The following USP22 variants were observed in gnomAD, a reference collection of about 807,000 sequenced individuals.
USP22 encodes the protein ubiquitin carboxyl-terminal hydrolase 22.
Under a neutral mutation model 68.1 loss-of-function variants are expected in USP22, and 22 were observed. That is an observed-to-expected ratio of 0.32 (90% CI 0.23 to 0.46). USP22 has a LOEUF of 0.46. USP22 is among the 20% of genes least tolerant of loss of function. The pLI is 1.00. For missense variants in USP22, 433 were observed against 695.8 expected, an observed-to-expected ratio of 0.62 and a Z score of 4.25; for synonymous variants, 279 against 274.2, an observed-to-expected ratio of 1.02 and a Z score of -0.17.
At chr17:21,041,839 T>A (rs1376636609) in intron 1 of USP22, among the ~76,000 whole-genome samples, 1 of 152,256 alleles carries the variant, frequency 6.6e-6, no homozygotes, top group African/African-American at 2.4e-5. Context: ...GACGCAAGAC[T>A]GGGCTCCCCG....
At chr17:21,010,506 C>CG (rs1913925992) in intron 8 of USP22, among the ~76,000 whole-genome samples, 1 of 151,476 alleles carries the variant, frequency 6.6e-6, no homozygotes, top group African/African-American at 2.4e-5. Context: ...GTAAAACCCC[C>CG]GCTCTACTAA....
At position 21,042,888 on chromosome 17, in the gene USP22, G is replaced by A. The variant is rs991576142; in HGVS notation, c.-53C>T. The A allele has an allele frequency of 4.4e-5, 52 of 1,181,786 alleles. No homozygotes were observed. Among genetic ancestry groups the A allele is most frequent in the Non-Finnish European group, 5.3e-5 (50 of 943,804 alleles). The allele number at this position is 1,181,786 out of a possible 1,614,324, so 73.2% of individuals were successfully genotyped here. On this transcript the variant is annotated 5_prime_UTR_variant, in exon 1 of 13. Transcript: ENST00000261497. Reference sequence around the variant, plus strand: ...GGGCGGCGGCGAGGGAGGCGAGGACGACGCCAGCGCGGCGTGGGGGCTGCT... The same window carrying A: ...GGGCGGCGGCGAGGGAGGCGAGGACAACGCCAGCGCGGCGTGGGGGCTGCT...
intron 1 of USP22, among the ~76,000 whole-genome samples, chr17:21,029,829 C>A (rs978752246): frequency 6.6e-6 from 1 of 152,200 alleles, no homozygotes. Context: ...ATGAAATACT[C>A]AGGATAGATA....
At chr17:21,006,796 C>T (rs1913796324) in intron 10 of USP22, 100 bp downstream of exon 10, 1 of 998,340 alleles carries the variant, frequency 1.0e-6, no homozygotes, top group Non-Finnish European at 1.4e-6. Flanking sequence ...AGCCACTGCA[C>T]CCGGCCAACA....
intron 1 of USP22, among the ~76,000 whole-genome samples, chr17:21,030,669 T>C (rs965813296): frequency 2.6e-5 from 4 of 152,144 alleles, no homozygotes; most frequent in Admixed American, 6.5e-5. Context: ...ATGTCCAAAT[T>C]GAAGGACTTC....
At chr17:21,006,667 G>C (rs1913791033) in intron 10 of USP22, 1 of 233,052 alleles carries the variant, frequency 4.3e-6, no homozygotes, top group African/African-American at 2.3e-5. Flanking sequence ...ACCACACCCA[G>C]CTAATTTTTG....
At chr17:21,015,571 C>CCT in intron 6 of USP22, 181 bp downstream of exon 6, 1 of 806,910 alleles carries the variant, frequency 1.2e-6, no homozygotes, top group Non-Finnish European at 1.8e-6. Flanking sequence ...CTAGGAGGAG[C>CCT]CTCTCTGAGG....
At chr17:21,026,993 C>G (rs561582145) in intron 2 of USP22, among the ~76,000 whole-genome samples, 2 of 151,816 alleles carry the variant, frequency 1.3e-5, no homozygotes, top group African/African-American at 2.4e-5. Context: ...TTAGTAGAGA[C>G]GGGGTTTCAC....
In USP22 at chr17:21,021,023, C is replaced by T. The variant is rs1218426828; in HGVS notation, c.418+90G>A. 3 of 1,053,116 alleles carry T rather than the reference C, an allele frequency of 2.8e-6. No homozygotes were observed. In the East Asian group the frequency reaches 7.4e-5, roughly 26 times the overall value. The allele number at this position is 1,053,116 out of a possible 1,614,324, so 65.2% of individuals were successfully genotyped here. A position where few individuals can be genotyped will look rare whatever the true frequency, so the allele number is the denominator to read the frequency against. Reference sequence around the variant, plus strand: ...TTCCCACCAGCCTGCCACTTCCCACCTAGGTACTTCTCTTTCTCCTACTGG... The same window carrying T: ...TTCCCACCAGCCTGCCACTTCCCACTTAGGTACTTCTCTTTCTCCTACTGG... On this transcript the variant is annotated intron_variant, in intron 3 of 12. Transcript: ENST00000261497.
chr17:21,024,083 A>G (rs1341479962), intron 2 of USP22, among the ~76,000 whole-genome samples: 1 of 152,196 alleles, frequency 6.6e-6, no homozygotes, highest in Non-Finnish European at 1.5e-5. Flanking sequence ...TACTCAAAAA[A>G]TTCACAAAAT....
chr17:21,028,854 T>G (rs1972255125), intron 1 of USP22, among the ~76,000 whole-genome samples, 180 bp from the exon 2 acceptor site: 1 of 151,716 alleles, frequency 6.6e-6, no homozygotes, highest in East Asian at 2.0e-4. Context: ...CAAACAGGAC[T>G]TCATTCAGAT....
chr17:21,043,029 G>A (rs1229749400), upstream of USP22: 1 of 294,494 alleles, frequency 3.4e-6, no homozygotes, highest in Non-Finnish European at 6.2e-6. Flanking sequence ...CCGCCCCCGA[G>A]CTGCGGCTGC....
At chr17:21,004,463 T>A in intron 11 of USP22, 112 bp from the exon 12 acceptor site, 1 of 1,356,480 alleles carries the variant, frequency 7.4e-7, no homozygotes, top group African/African-American at 1.4e-5. Flanking sequence ...CCTGTGGGCC[T>A]GTCAACCCCC....
chr17:21,005,005 G>T lies in USP22; in HGVS notation c.1323-15C>A. The T allele has an allele frequency of 3.1e-6, 5 of 1,613,892 alleles. No homozygotes were observed. Among genetic ancestry groups the T allele is most frequent in the South Asian group, 1.1e-5 (1 of 91,066 alleles). On this transcript the variant is annotated splice_polypyrimidine_tract_variant and intron_variant, in intron 10 of 12. Transcript: ENST00000261497. ...TGCTCTCTTTGCTGTAACAGACAAC[G>T]GCAGGATTCAGCATCATTAAAATCA... is the stretch of plus-strand genomic sequence containing the variant.
chr17:21,029,766 C>G (rs994511809), intron 1 of USP22, among the ~76,000 whole-genome samples: 41 of 152,162 alleles, frequency 2.7e-4, no homozygotes, highest in African/African-American at 9.2e-4. Flanking sequence ...AAATATCATG[C>G]TAAGTGAAGG....
intron 2 of USP22, among the ~76,000 whole-genome samples, chr17:21,025,644 A>C (rs1024366692): frequency 2.0e-5 from 3 of 152,246 alleles, no homozygotes; most frequent in Non-Finnish European, 4.4e-5. Context: ...CTACATAAAC[A>C]ATGGAACATG....
chr17:21,042,675 C>T lies in USP22; in HGVS notation c.161G>A (p.Arg54His). The change falls in exon 1 of 13, where the codon CGC becomes CAC. Residue 54 changes from arginine (R) to histidine (H), a missense_variant. Physicochemically the swap from Arg to His is conservative, Grantham distance 29. Coordinates refer to ENST00000261497, the MANE Select transcript of USP22 (RefSeq NM_015276.2). Reference sequence around the variant, plus strand: ...GGCTGCCGGGCGCACCTTGCGCTTGCGGGCCTCAGCCGTGCCGCTCCACAC... The same window carrying T: ...GGCTGCCGGGCGCACCTTGCGCTTGTGGGCCTCAGCCGTGCCGCTCCACAC... ...CFVWSGTAEA[R>H]KRKAKSCICH... is the part of the protein sequence containing the mutation. 1 of 1,294,190 alleles carries T rather than the reference C, an allele frequency of 7.7e-7. No individual in the cohort carries two copies. The highest frequency in any genetic ancestry group is 9.9e-7 in the Non-Finnish European group (1 of 1,014,648). The allele number at this position is 1,294,190 out of a possible 1,614,324, so 80.2% of individuals were successfully genotyped here.
At chr17:21,010,840 G>A (rs984240145) in intron 8 of USP22, among the ~76,000 whole-genome samples, 42 of 152,116 alleles carry the variant, frequency 2.8e-4, no homozygotes, top group African/African-American at 9.4e-4. Context: ...CTCACACTCC[G>A]GGGTAGGTGA....
chr17:21,023,624 G>A lies in USP22; in HGVS notation c.305-2398C>T, dbSNP rs183725815. 2.7e-3 allele frequency among the ~76,000 whole-genome samples: 389 copies of A among 146,216 alleles called. 1 individual carries two copies. Among genetic ancestry groups the A allele is most frequent in the Admixed American group, 3.6e-3 (52 of 14,446 alleles). ...TGCACCACTGCACTCCAGCCTGGGCGAGAGTGCCAGACTATGTCTCAAAAA... is the reference window on the plus strand; with the variant it reads ...TGCACCACTGCACTCCAGCCTGGGCAAGAGTGCCAGACTATGTCTCAAAAA... On this transcript the variant is annotated intron_variant, in intron 2 of 12. Coordinates refer to ENST00000261497, the MANE Select transcript of USP22 (RefSeq NM_015276.2).
Sources: allele counts gnomAD v4.1 joint callset (sites outside exome capture counted in the v4.1 genomes callset), GRCh38; gene constraint gnomAD v4.1.1; transcripts MANE v1.5; gene names NCBI Gene and HGNC (gene_info 2026-07-23, HGNC 2026-07-21).